The following CSMD1 variants were observed in gnomAD, a reference collection of about 807,000 sequenced individuals.
CSMD1 encodes the protein CUB and sushi domain-containing protein 1.
In CSMD1, 213 loss-of-function variants were observed where a neutral mutation model predicts 417.5. That is an observed-to-expected ratio of 0.51 (90% CI 0.46 to 0.57). The LOEUF (loss-of-function observed/expected upper bound fraction) is 0.57, where lower values mean the gene tolerates loss of function less well. Ranked by LOEUF, CSMD1 falls within the 20% of genes least tolerant of loss-of-function variation. The probability of loss-of-function intolerance (pLI) is 0.00; values close to 1 mark genes in which losing one functional copy is unlikely to be tolerated. For synonymous variants in CSMD1, 2,862 were observed against 1,736.8 expected (o/e 1.65, Z -16.11); for missense variants, 6,923 against 4,529.7 (o/e 1.53, Z -15.17).
rs192519261 is a variant in CSMD1, at chr8:3,477,001, T to C, written c.1449-8177A>G. ...TCAACACAAAGGGATACTACAGTAT[T>C]TTGAAGTGAAGGGAATGTTCTGTGT... is the stretch of plus-strand genomic sequence containing the variant. On this transcript the variant is annotated intron_variant, in intron 11 of 69. Transcript: ENST00000635120. Among the ~76,000 whole-genome samples, 6 of 152,282 alleles carry C rather than the reference T, an allele frequency of 3.9e-5. No individual in the cohort carries two copies. The East Asian group carries it at 1.2e-3, about 29-fold the overall frequency.
chr8:3,957,886 C>T (rs1372350946), intron 5 of CSMD1, among the ~76,000 whole-genome samples: 6 of 152,178 alleles, frequency 3.9e-5, no homozygotes, highest in African/African-American at 1.4e-4. Flanking sequence ...GGGGCTATCG[C>T]TGTATAATAA....
At chr8:3,720,561 G>C (rs1036947023) in intron 6 of CSMD1, among the ~76,000 whole-genome samples, 2 of 151,196 alleles carry the variant, frequency 1.3e-5, no homozygotes, top group Non-Finnish European at 2.9e-5. Context: ...TTCTTAAACA[G>C]GGGTGACACT....
At chr8:3,168,654 A>ACACAAAT (rs1554448540) in intron 37 of CSMD1, among the ~76,000 whole-genome samples, 4 of 105,258 alleles carry the variant, frequency 3.8e-5, no homozygotes, top group African/African-American at 1.2e-4. Context: ...CACACACACA[A>ACACAAAT]ATATATATAT....
intron 2 of CSMD1, 40 bp downstream of exon 2, chr8:4,637,302 C>A (rs1331356020): frequency 3.5e-6 from 5 of 1,449,126 alleles, no homozygotes; most frequent in South Asian, 2.3e-5. Flanking sequence ...TCTGTGTATT[C>A]AAACAGTGCT....
chr8:4,062,175 G>C (rs372550789), intron 3 of CSMD1, among the ~76,000 whole-genome samples: 2 of 152,098 alleles, frequency 1.3e-5, no homozygotes, highest in African/African-American at 2.4e-5. Context: ...CGCAAGACTT[G>C]CCAAGTGACG....
intron 3 of CSMD1, among the ~76,000 whole-genome samples, chr8:4,200,778 G>A (rs534609060): frequency 6.6e-6 from 1 of 152,190 alleles, no homozygotes; most frequent in East Asian, 1.9e-4. Context: ...GGGAGGATTT[G>A]TTAATGGAGA....
chr8:4,989,570 T>A (rs906460632), intron 1 of CSMD1, among the ~76,000 whole-genome samples: 1 of 152,198 alleles, frequency 6.6e-6, no homozygotes, highest in African/African-American at 2.4e-5. Flanking sequence ...GCATGCAACT[T>A]CTTAGTTATC....
intron 34 of CSMD1, among the ~76,000 whole-genome samples, chr8:3,189,634 G>T (rs1297474284): frequency 6.6e-6 from 1 of 152,120 alleles, no homozygotes; most frequent in African/African-American, 2.4e-5. Flanking sequence ...CCCAAAATGA[G>T]ATTATGTTCC....
At chr8:3,298,340 T>A (rs1249030375) in intron 25 of CSMD1, among the ~76,000 whole-genome samples, 2 of 152,198 alleles carry the variant, frequency 1.3e-5, no homozygotes, top group Admixed American at 6.5e-5. Flanking sequence ...ACCATCCAAA[T>A]GTCCATCAGC....
chr8:4,721,611 A>G (rs1244133823), intron 1 of CSMD1, among the ~76,000 whole-genome samples: 2 of 152,210 alleles, frequency 1.3e-5, no homozygotes, highest in Non-Finnish European at 2.9e-5. Context: ...GTTTGTGTGA[A>G]TATAGATTGG....
rs371073762 is a variant in CSMD1 at position 4,095,947 on chromosome 8, T to G, written c.416-63848A>C. 1.1e-3 allele frequency among the ~76,000 whole-genome samples: 160 copies of G among 152,314 alleles called. 3 individuals carry two copies. In the South Asian group the frequency reaches 0.032, roughly 31 times the overall value. On this transcript the variant is annotated intron_variant, in intron 3 of 69. Transcript: ENST00000635120. ...TTAAATGTATCATTCCTAAAAAGAT[T>G]CATGCCTAAAAGAAGGACAAAATAT...
chr8:3,962,532 C>T (rs1812399548), intron 5 of CSMD1, among the ~76,000 whole-genome samples: 1 of 152,094 alleles, frequency 6.6e-6, no homozygotes, highest in Admixed American at 6.6e-5. Context: ...ATAGGCTAAT[C>T]GCAGGTAAGC....
chr8:3,059,774 G>T (rs1304209834), intron 49 of CSMD1, among the ~76,000 whole-genome samples: 2 of 152,166 alleles, frequency 1.3e-5, no homozygotes, highest in Non-Finnish European at 2.9e-5. Context: ...CCACTGAGTA[G>T]CTGGGACCAA....
intron 5 of CSMD1, among the ~76,000 whole-genome samples, chr8:3,772,240 TATAGATATATACATATATTTAGAC>T (rs1798618495): frequency 9.3e-6 from 1 of 107,700 alleles, no homozygotes; most frequent in South Asian, 2.9e-4. Flanking sequence ...CATATTTATA[TATAGATATATACATATATTTAGAC>T]ATACATATGT....
chr8:4,432,343 G>A (rs1051669344), intron 2 of CSMD1, among the ~76,000 whole-genome samples: 1 of 152,138 alleles, frequency 6.6e-6, no homozygotes, highest in Non-Finnish European at 1.5e-5. Flanking sequence ...AGGACTGCTT[G>A]TAGAATCCCC....
At chr8:4,197,721 A>G (rs998143404) in intron 3 of CSMD1, among the ~76,000 whole-genome samples, 1 of 152,184 alleles carries the variant, frequency 6.6e-6, no homozygotes, top group African/African-American at 2.4e-5. Flanking sequence ...TCTACTAAAA[A>G]TACAAAAATT....
At chr8:3,534,210 C>T (rs565527269) in intron 10 of CSMD1, among the ~76,000 whole-genome samples, 71 of 152,264 alleles carry the variant, frequency 4.7e-4, no homozygotes, top group Admixed American at 9.2e-4. Context: ...TGCAATGCCA[C>T]GCCCTTTGCC....
chr8:4,889,422 G>T (rs994091204), intron 1 of CSMD1, among the ~76,000 whole-genome samples: 1 of 152,042 alleles, frequency 6.6e-6, no homozygotes, highest in Non-Finnish European at 1.5e-5. Context: ...ATCCTGGCTG[G>T]GAAAAGTAGC....
At chr8:4,906,701 C>T (rs1252067564) in intron 1 of CSMD1, among the ~76,000 whole-genome samples, 4 of 152,028 alleles carry the variant, frequency 2.6e-5, no homozygotes, top group African/African-American at 7.2e-5. Flanking sequence ...GGACTACAGG[C>T]GCATGCCACC....
Sources: gnomAD v4.1 joint callset for allele counts (sites outside exome capture counted in the v4.1 genomes callset) on GRCh38, gnomAD v4.1.1 for gene constraint, MANE v1.5 for transcripts, NCBI Gene and HGNC (gene_info 2026-07-23, HGNC 2026-07-21) for gene names.